CASK: variants seen among roughly 807,000 people sequenced by gnomAD.
The protein encoded by CASK is calcium/calmodulin dependent serine protein kinase.
In CASK, 4 loss-of-function variants were observed where a neutral mutation model predicts 82.9. That is an observed-to-expected ratio of 0.05 (90% CI 0.02 to 0.11). CASK has a LOEUF of 0.11. CASK is among the 10% of genes least tolerant of loss of function. The probability of loss-of-function intolerance (pLI) is 1.00; values close to 1 mark genes in which losing one functional copy is unlikely to be tolerated. For missense variants in CASK, 358 were observed against 720.9 expected (o/e 0.50, Z 5.76); for synonymous variants, 259 against 253.5 (o/e 1.02, Z -0.20).
chrX:41,812,278 C>T (rs2070306497), intron 2 of CASK, among the ~76,000 whole-genome samples: 1 of 111,049 alleles, frequency 9.0e-6, no homozygotes, highest in Admixed American at 9.6e-5. Context: ...CTGGCAGAGG[C>T]ACAACAAAAA....
chrX:41,700,624 G>A (rs5963269), intron 5 of CASK, among the ~76,000 whole-genome samples: 73 of 98,112 alleles, frequency 7.4e-4, no homozygotes, highest in African/African-American at 2.6e-3. Flanking sequence ...CTGTCACCCA[G>A]GCTGGAGTGC....
chrX:41,827,563 C>T (rs113354488), intron 2 of CASK, among the ~76,000 whole-genome samples: 11,362 of 111,593 alleles, frequency 0.1, 507 homozygotes, highest in Middle Eastern at 0.22. Context: ...ATACCATCAC[C>T]TCGACAATTA....
intron 2 of CASK, among the ~76,000 whole-genome samples, chrX:41,830,512 G>A (rs899284041): frequency 1.2e-4 from 13 of 111,493 alleles, no homozygotes; most frequent in Admixed American, 1.1e-3. Context: ...ATAAACTAGC[G>A]TGCCAGCCAG....
intron 1 of CASK, among the ~76,000 whole-genome samples, chrX:41,863,528 G>A (rs781173434): frequency 2.7e-5 from 3 of 112,410 alleles, no homozygotes; most frequent in African/African-American, 9.7e-5. Flanking sequence ...TAACAAACAG[G>A]AAGGCCTAGC....
chrX:41,713,985 C>G (rs1372496648), intron 5 of CASK, among the ~76,000 whole-genome samples: 1 of 111,685 alleles, frequency 9.0e-6, no homozygotes, highest in African/African-American at 3.3e-5. Context: ...AATGAGAAAG[C>G]TGACCAACAA....
rs1251738037 is a variant in CASK, at chrX:41,515,143, T to A, written c.*5277A>T. ...GCCGGCAGCGCACCAGCATTCTGGT[T>A]GTTCCGGCGACAGGGCAAAGGGATC... On this transcript the variant is annotated 3_prime_UTR_variant, in exon 27 of 27. Transcript: ENST00000378163. 8.9e-6 allele frequency: 1 copy of A among 112,359 alleles called. No individual in the cohort carries two copies. Among genetic ancestry groups the A allele is most frequent in the African/African-American group, 3.2e-5 (1 of 30,934 alleles). 9.3% of individuals were successfully genotyped at this position (112,359 alleles called of 1,213,427 possible).
intron 2 of CASK, among the ~76,000 whole-genome samples, chrX:41,812,605 C>T (rs1343393381): frequency 2.1e-4 from 23 of 111,298 alleles, no homozygotes; most frequent in African/African-American, 3.3e-4. Flanking sequence ...ATAATAAGAG[C>T]TATCTATGAC....
intron 8 of CASK, among the ~76,000 whole-genome samples, chrX:41,643,579 G>T (rs1324100830): frequency 7.2e-5 from 8 of 111,324 alleles, no homozygotes; most frequent in Non-Finnish European, 1.1e-4. Flanking sequence ...CTATTTGTCT[G>T]TTATTGGTGT....
intron 25 of CASK, among the ~76,000 whole-genome samples, chrX:41,528,522 C>G (rs766809231): frequency 1.2e-3 from 140 of 112,279 alleles, no homozygotes; most frequent in African/African-American, 4.3e-3. Context: ...TGAGAGGATT[C>G]TAAAAAATGC....
intron 8 of CASK, among the ~76,000 whole-genome samples, chrX:41,642,500 T>C (rs1199968361): frequency 1.8e-5 from 2 of 112,629 alleles, no homozygotes; most frequent in Non-Finnish European, 3.8e-5. Context: ...TGGCCAGTGA[T>C]GATGAGCATT....
chrX:41,876,164 ATAT>A (rs937953068), intron 1 of CASK, among the ~76,000 whole-genome samples: 1 of 110,942 alleles, frequency 9.0e-6, no homozygotes, highest in African/African-American at 3.3e-5. Flanking sequence ...ATGTATTGGT[ATAT>A]TATTATTATT....
intron 2 of CASK, among the ~76,000 whole-genome samples, chrX:41,797,314 C>T (rs192956217): frequency 9.1e-6 from 1 of 110,038 alleles, no homozygotes; most frequent in Non-Finnish European, 1.9e-5. Context: ...GCTTCCTTCT[C>T]TGCCTGGTAA....
intron 15 of CASK, among the ~76,000 whole-genome samples, chrX:41,573,842 C>A (rs959495404): frequency 1.8e-5 from 2 of 111,564 alleles, no homozygotes; most frequent in Non-Finnish European, 3.8e-5. Flanking sequence ...TCCTTTGGGT[C>A]TTGCGTTCAT....
intron 5 of CASK, among the ~76,000 whole-genome samples, chrX:41,736,102 C>A (rs747434486): frequency 5.4e-5 from 6 of 111,850 alleles, no homozygotes; most frequent in African/African-American, 1.9e-4. Flanking sequence ...GGATGAATGT[C>A]TTAAGAAAAA....
At chrX:41,615,743 G>C (rs912493215) in intron 11 of CASK, among the ~76,000 whole-genome samples, 1 of 108,594 alleles carries the variant, frequency 9.2e-6, no homozygotes, top group African/African-American at 3.4e-5. Flanking sequence ...AGCGATTCTC[G>C]TGCCTCAGCC....
At chrX:41,854,878 C>T (rs1240202068) in intron 1 of CASK, among the ~76,000 whole-genome samples, 1 of 112,255 alleles carries the variant, frequency 8.9e-6, no homozygotes, top group Non-Finnish European at 1.9e-5. Flanking sequence ...GAGGGACAAA[C>T]GTTTTCATTC....
intron 9 of CASK, among the ~76,000 whole-genome samples, chrX:41,628,781 G>T (rs1208754016): frequency 8.9e-6 from 1 of 111,979 alleles, no homozygotes; most frequent in African/African-American, 3.2e-5. Flanking sequence ...TGAAAAAACA[G>T]TAGTGAATGT....
chrX:41,648,790 C>T (rs1158279292), intron 8 of CASK, among the ~76,000 whole-genome samples: 1 of 111,608 alleles, frequency 9.0e-6, no homozygotes, highest in African/African-American at 3.3e-5. Flanking sequence ...AGGGAGGATT[C>T]CCTCTTTTTC....
chrX:41,726,917 CTTT>C (rs1160811611), intron 5 of CASK: 1 of 394,932 alleles, frequency 2.5e-6, no homozygotes, highest in Non-Finnish European at 4.2e-6. Context: ...CAATGTTTTT[CTTT>C]TTTAAAAACT....
Sources: allele counts gnomAD v4.1 joint callset (sites outside exome capture counted in the v4.1 genomes callset), GRCh38; gene constraint gnomAD v4.1.1; transcripts MANE v1.5; gene names NCBI Gene and HGNC (gene_info 2026-07-23, HGNC 2026-07-21).